Variants in CDH13 observed in about 807,000 individuals in gnomAD.
The protein encoded by CDH13 is cadherin-13.
Under a neutral mutation model 63.8 loss-of-function variants are expected in CDH13, and 24 were observed. The ratio of observed to expected loss-of-function variants is 0.38; its 90% CI spans 0.27 to 0.53. The LOEUF (loss-of-function observed/expected upper bound fraction) is 0.53, where lower values mean the gene tolerates loss of function less well. Ranked by LOEUF, CDH13 falls within the 20% of genes least tolerant of loss-of-function variation. The probability of loss-of-function intolerance (pLI) is 0.85; values close to 1 mark genes in which losing one functional copy is unlikely to be tolerated. For missense variants in CDH13, 1,049 were observed against 903.1 expected (o/e 1.16, Z -2.07); for synonymous variants, 503 against 355.3 (o/e 1.42, Z -4.67).
intron 2 of CDH13, among the ~76,000 whole-genome samples, chr16:82,897,951 G>A (rs963209442): frequency 6.6e-6 from 1 of 152,190 alleles, no homozygotes; most frequent in African/African-American, 2.4e-5. Flanking sequence ...TTATGCCTCT[G>A]ATGCTTATCA....
At chr16:83,125,234 G>A (rs1423790592) in intron 3 of CDH13, 151 bp from the exon 4 acceptor site, 3 of 584,236 alleles carry the variant, frequency 5.1e-6, no homozygotes, top group Admixed American at 6.0e-5. Context: ...TTCTAGTAAT[G>A]TACTTGGTAA....
intron 2 of CDH13, among the ~76,000 whole-genome samples, chr16:82,919,302 C>T (rs980902261): frequency 6.6e-6 from 1 of 152,134 alleles, no homozygotes; most frequent in Non-Finnish European, 1.5e-5. Flanking sequence ...ATTATGTGAT[C>T]AGCCTCGTAC....
chr16:83,004,283 T>C (rs117814896), intron 2 of CDH13, among the ~76,000 whole-genome samples: 3,116 of 152,264 alleles, frequency 0.02, 52 homozygotes, highest in Non-Finnish European at 0.031. Flanking sequence ...CCAAAGGCTC[T>C]GGAGGCTCAA....
intron 5 of CDH13, among the ~76,000 whole-genome samples, chr16:83,293,421 G>A (rs937656832): frequency 1.4e-4 from 21 of 152,088 alleles, no homozygotes; most frequent in Non-Finnish European, 1.5e-5. Context: ...GAAGAAAATG[G>A]CACTCAAATT....
At chr16:83,081,685 T>A (rs2033260168) in intron 3 of CDH13, among the ~76,000 whole-genome samples, 1 of 149,920 alleles carries the variant, frequency 6.7e-6, no homozygotes, top group African/African-American at 2.5e-5. Context: ...ACTCACACAG[T>A]AAAGAGAGAG....
At chr16:82,907,284 G>A (rs1485926490) in intron 2 of CDH13, among the ~76,000 whole-genome samples, 1 of 152,098 alleles carries the variant, frequency 6.6e-6, no homozygotes, top group Admixed American at 6.6e-5. Flanking sequence ...GTGGCCCACA[G>A]TGACCCCCGC....
At chr16:83,017,320 G>A (rs1031924216) in intron 2 of CDH13, among the ~76,000 whole-genome samples, 2 of 152,128 alleles carry the variant, frequency 1.3e-5, no homozygotes, top group African/African-American at 4.8e-5. Context: ...ATTCCATTTT[G>A]ACACCTTTTT....
chr16:83,026,422 T>G (rs35427520), intron 2 of CDH13, among the ~76,000 whole-genome samples: 3,095 of 152,310 alleles, frequency 0.02, 61 homozygotes, highest in Middle Eastern at 0.044. Context: ...AATATGATGC[T>G]TATATATTTA....
intron 4 of CDH13, among the ~76,000 whole-genome samples, chr16:83,142,636 G>A (rs1445544250): frequency 6.6e-6 from 1 of 152,112 alleles, no homozygotes; most frequent in African/African-American, 2.4e-5. Flanking sequence ...TTAAGTATTT[G>A]TTCAATTGAT....
At chr16:83,203,510 C>A (rs1262680379) in intron 4 of CDH13, among the ~76,000 whole-genome samples, 2 of 151,240 alleles carry the variant, frequency 1.3e-5, no homozygotes, top group African/African-American at 4.9e-5. Flanking sequence ...CATGGTGAAA[C>A]CCCGTCTCTA....
At chr16:83,619,070 G>T (rs931055078) in intron 8 of CDH13, among the ~76,000 whole-genome samples, 1 of 152,230 alleles carries the variant, frequency 6.6e-6, no homozygotes, top group Non-Finnish European at 1.5e-5. Flanking sequence ...TGCTTTGCCT[G>T]TGTGTGCCTG....
intron 5 of CDH13, among the ~76,000 whole-genome samples, chr16:83,251,253 T>C (rs766329868): frequency 1.2e-4 from 19 of 152,168 alleles, no homozygotes; most frequent in Non-Finnish European, 2.2e-4. Context: ...TCAACAATGA[T>C]CTCAAAATAG....
At chr16:82,758,622 C>T (rs111790174) in intron 1 of CDH13, among the ~76,000 whole-genome samples, 6 of 152,256 alleles carry the variant, frequency 3.9e-5, no homozygotes, top group South Asian at 2.1e-4. Context: ...GGAGAGGTCA[C>T]GCGGCACAGA....
At chr16:83,112,093 C>A (rs1016372832) in intron 3 of CDH13, among the ~76,000 whole-genome samples, 1 of 152,236 alleles carries the variant, frequency 6.6e-6, no homozygotes, top group Admixed American at 6.5e-5. Flanking sequence ...TTAGAACTCT[C>A]TGCTTTGCTT....
chr16:83,119,793 C>T (rs77280647), intron 3 of CDH13, among the ~76,000 whole-genome samples: 3,216 of 152,212 alleles, frequency 0.021, 104 homozygotes, highest in East Asian at 0.11. Flanking sequence ...CCCAGTCATA[C>T]AGAAACATAT....
Position 83,337,621 on chromosome 16 carries a change from A to ATTTT in CDH13, c.637-7215_637-7212dup, listed in dbSNP as rs66957563. Among the ~76,000 whole-genome samples, 29 of 52,268 alleles carry ATTTT rather than the reference A, an allele frequency of 5.5e-4. 3 individuals are homozygous for ATTTT. The highest frequency in any genetic ancestry group is 1.5e-3 in the East Asian group (2 of 1,304). 34.3% of individuals were successfully genotyped at this position (52,268 alleles called of 152,430 possible). A position where few individuals can be genotyped will look rare whatever the true frequency, so the allele number is the denominator to read the frequency against. The stretch of plus-strand genomic sequence containing the variant: ...ATTTGAGAATTAAATTGACAAGCGT[A>ATTTT]TTTTTTTTTTTTTTTTTTTTTTTTT... On this transcript the variant is annotated intron_variant, in intron 5 of 13. Coordinates refer to ENST00000567109, the MANE Select transcript of CDH13 (RefSeq NM_001257.5).
At chr16:82,640,420 CA>C (rs760513346) in intron 1 of CDH13, among the ~76,000 whole-genome samples, 2 of 151,914 alleles carry the variant, frequency 1.3e-5, no homozygotes, top group Non-Finnish European at 2.9e-5. Flanking sequence ...TGATTTAAAC[CA>C]GGGGTAGGTA....
intron 7 of CDH13, among the ~76,000 whole-genome samples, chr16:83,530,695 T>C (rs1039851575): frequency 2.0e-5 from 3 of 152,214 alleles, no homozygotes; most frequent in Admixed American, 6.5e-5. Flanking sequence ...AACTTCCTTA[T>C]TTTGTAATGG....
intron 10 of CDH13, among the ~76,000 whole-genome samples, chr16:83,698,125 A>C (rs949067446): frequency 2.0e-5 from 3 of 152,240 alleles, no homozygotes; most frequent in Admixed American, 2.0e-4. Flanking sequence ...TTTGTTAGTT[A>C]ACGAATGAAT....
Sources: gnomAD v4.1 joint callset for allele counts (sites outside exome capture counted in the v4.1 genomes callset) on GRCh38, gnomAD v4.1.1 for gene constraint, MANE v1.5 for transcripts, NCBI Gene and HGNC (gene_info 2026-07-23, HGNC 2026-07-21) for gene names.